The following TCF12 variants were observed in gnomAD, a reference collection of about 807,000 sequenced individuals.
The protein encoded by TCF12 is transcription factor 12, also known as DNA-binding protein HTF4.
TCF12 carries 45 observed loss-of-function variants against 86.0 expected under a neutral mutation model. That is an observed-to-expected ratio of 0.52 (90% CI 0.41 to 0.67). The LOEUF is 0.67. Ranked by LOEUF, TCF12 falls within the 30% of genes least tolerant of loss-of-function variation. The pLI, the probability that TCF12 is intolerant of heterozygous loss-of-function variation, is 0.00. For missense variants in TCF12, 881 were observed against 859.9 expected (o/e 1.02, Z -0.31); for synonymous variants, 330 against 299.6 (o/e 1.10, Z -1.05).
intron 6 of TCF12, among the ~76,000 whole-genome samples, chr15:57,189,861 C>T (rs1290093711): frequency 1.3e-5 from 2 of 152,268 alleles, no homozygotes; most frequent in African/African-American, 4.8e-5. Context: ...AATGGATAAA[C>T]AGTTTGTGGT....
chr15:57,038,588 T>A (rs1485633518), intron 3 of TCF12, among the ~76,000 whole-genome samples: 1 of 152,194 alleles, frequency 6.6e-6, no homozygotes, highest in Non-Finnish European at 1.5e-5. Context: ...ACGCTTTTCA[T>A]ACCTTCGCAT....
chr15:57,252,541 C>T, intron 15 of TCF12, 49 bp downstream of exon 15: 1 of 1,450,794 alleles, frequency 6.9e-7, no homozygotes. Context: ...ATTAATTATA[C>T]TTCCCACTAT....
intron 8 of TCF12, among the ~76,000 whole-genome samples, chr15:57,229,663 T>C (rs780573112): frequency 6.6e-6 from 1 of 151,954 alleles, no homozygotes; most frequent in Non-Finnish European, 1.5e-5. Flanking sequence ...ACAGGTAATA[T>C]TTAGCAACAT....
At chr15:56,923,662 A>C (rs1428599286) in intron 3 of TCF12, among the ~76,000 whole-genome samples, 1 of 152,168 alleles carries the variant, frequency 6.6e-6, no homozygotes, top group African/African-American at 2.4e-5. Context: ...CAGATGTTTA[A>C]ATCCATGTCC....
chr15:57,118,658 GTTAC>G (rs1332262488), intron 5 of TCF12, among the ~76,000 whole-genome samples: 1 of 152,072 alleles, frequency 6.6e-6, no homozygotes, highest in Admixed American at 6.5e-5. Context: ...GCATATATGT[GTTAC>G]TTCTTCAGAC....
At chr15:56,955,828 G>A (rs1015108497) in intron 3 of TCF12, among the ~76,000 whole-genome samples, 9 of 152,248 alleles carry the variant, frequency 5.9e-5, no homozygotes, top group African/African-American at 1.9e-4. Flanking sequence ...TTGAAAGAGG[G>A]AAATTGTAAT....
chr15:57,035,265 T>C (rs2066435934), intron 3 of TCF12, among the ~76,000 whole-genome samples: 1 of 152,150 alleles, frequency 6.6e-6, no homozygotes, highest in South Asian at 2.1e-4. Context: ...AGAGTAATGT[T>C]ATCTTATTTT....
At chr15:56,972,672 A>T (rs899132126) in intron 3 of TCF12, among the ~76,000 whole-genome samples, 1 of 152,154 alleles carries the variant, frequency 6.6e-6, no homozygotes, top group Non-Finnish European at 1.5e-5. Context: ...GAATCTGATG[A>T]AAGGAAATGG....
At chr15:57,254,396 A>G (rs1417503990) in intron 16 of TCF12, among the ~76,000 whole-genome samples, 1 of 152,150 alleles carries the variant, frequency 6.6e-6, no homozygotes, top group Non-Finnish European at 1.5e-5. Context: ...ACGTCACACA[A>G]GGCTGCTTGT....
At chr15:57,169,033 GA>G (rs1164811938) in intron 6 of TCF12, among the ~76,000 whole-genome samples, 1 of 152,090 alleles carries the variant, frequency 6.6e-6, no homozygotes, top group African/African-American at 2.4e-5. Context: ...GCAACAGAGG[GA>G]GATTCTGTCT....
At chr15:57,037,917 T>A (rs2066618471) in intron 3 of TCF12, among the ~76,000 whole-genome samples, 1 of 152,238 alleles carries the variant, frequency 6.6e-6, no homozygotes, top group Non-Finnish European at 1.5e-5. Context: ...ATTATCACGT[T>A]CAGCACTGTA....
At chr15:57,077,391 T>TTTTTGGCAAGGCTTTGCTC (rs1334752410) in intron 4 of TCF12, among the ~76,000 whole-genome samples, 2 of 143,810 alleles carry the variant, frequency 1.4e-5, no homozygotes, top group Non-Finnish European at 3.1e-5. Context: ...ATTTTTTTTT[T>TTTTTGGCAAGGCTTTGCTC]TTTGGCAAGG....
At chr15:56,933,551 T>C (rs1595736308) in intron 3 of TCF12, among the ~76,000 whole-genome samples, 1 of 152,286 alleles carries the variant, frequency 6.6e-6, no homozygotes, top group East Asian at 1.9e-4. Context: ...TTACTAGATA[T>C]GTGATCCTAG....
rs776083558 is a variant in TCF12 at position 57,251,375 on chromosome 15, A to C, written c.1140A>C (p.Gly380=). The C allele has an allele frequency of 5.7e-5, 92 of 1,613,860 alleles. No homozygotes were observed. The highest frequency in any genetic ancestry group is 2.1e-5 in the Non-Finnish European group (25 of 1,179,912). The change falls in exon 14 of 21, where the codon GGA becomes GGC. Residue 380 remains glycine (G), a synonymous_variant. Transcript: ENST00000333725. The stretch of plus-strand genomic sequence containing the variant: ...GTACCAGTCAGTGGCCAAGACCTGG[A>C]GGGCAAGCACCTTCATCCCCAAGCT... ...LTGTSQWPRP[G]GQAPSSPSYE...
chr15:57,163,469 G>T (rs76489038), intron 5 of TCF12, among the ~76,000 whole-genome samples: 6,132 of 152,206 alleles, frequency 0.04, 368 homozygotes, highest in Admixed American at 0.17. Flanking sequence ...GAAGGCTGAG[G>T]TAGGAGGGTT....
chr15:57,165,364 A>T (rs1484898541), intron 5 of TCF12, among the ~76,000 whole-genome samples: 1 of 152,178 alleles, frequency 6.6e-6, no homozygotes. Context: ...AGGTTTCAAG[A>T]TAAAAACCAT....
intron 19 of TCF12, chr15:57,281,741 T>A (rs1348691185): frequency 6.6e-6 from 1 of 152,646 alleles, no homozygotes; most frequent in African/African-American, 2.4e-5. Flanking sequence ...CACCCCCAGA[T>A]GGGACCATCT....
intron 16 of TCF12, among the ~76,000 whole-genome samples, chr15:57,256,190 C>G (rs1318098118): frequency 2.0e-5 from 3 of 152,124 alleles, no homozygotes; most frequent in Non-Finnish European, 4.4e-5. Flanking sequence ...TCAGCTTCAG[C>G]AAAAAGACCA....
intron 5 of TCF12, among the ~76,000 whole-genome samples, chr15:57,154,195 TC>T (rs1476660652): frequency 6.6e-6 from 1 of 152,130 alleles, no homozygotes; most frequent in Admixed American, 6.5e-5. Flanking sequence ...TTCTCTGTTT[TC>T]CAGTGGTTTT....
Sources: gnomAD v4.1 joint callset for allele counts (sites outside exome capture counted in the v4.1 genomes callset) on GRCh38, gnomAD v4.1.1 for gene constraint, MANE v1.5 for transcripts, NCBI Gene and HGNC (gene_info 2026-07-23, HGNC 2026-07-21) for gene names.